Variants in ACBD6 observed in about 807,000 individuals in gnomAD.
ACBD6 encodes the protein acyl-CoA binding domain containing 6, also known as acyl-CoA-binding domain-containing protein 6.
A neutral mutation model predicts 37.2 loss-of-function variants in ACBD6; 28 were observed. The observed-to-expected ratio is 0.75, with a 90% CI of 0.56 to 1.03. The LOEUF is 1.03. ACBD6 is among the 50% of genes least tolerant of loss of function. ACBD6 has a pLI of 0.00. For missense variants in ACBD6, 340 were observed against 337.4 expected, an observed-to-expected ratio of 1.01 and a Z score of -0.06; for synonymous variants, 113 against 126.8, an observed-to-expected ratio of 0.89 and a Z score of 0.73.
chr1:180,431,787 T>C (rs1349139605), intron 3 of ACBD6, among the ~76,000 whole-genome samples: 1 of 151,942 alleles, frequency 6.6e-6, no homozygotes, highest in Non-Finnish European at 1.5e-5. Flanking sequence ...AAAATAGAGA[T>C]AGAACCAAGT....
chr1:180,408,307 A>AT (rs1647711777), intron 5 of ACBD6, among the ~76,000 whole-genome samples: 1 of 152,188 alleles, frequency 6.6e-6, no homozygotes, highest in Non-Finnish European at 1.5e-5. Context: ...AAAAGTTGTG[A>AT]TATCATATAC....
intron 3 of ACBD6, among the ~76,000 whole-genome samples, chr1:180,478,632 T>C (rs1254361144): frequency 1.3e-5 from 2 of 151,704 alleles, no homozygotes; most frequent in Non-Finnish European, 2.9e-5. Flanking sequence ...GGGATTACAG[T>C]ACCACCATTG....
intron 6 of ACBD6, among the ~76,000 whole-genome samples, chr1:180,315,868 A>T (rs947112942): frequency 6.6e-6 from 1 of 152,096 alleles, no homozygotes; most frequent in Non-Finnish European, 1.5e-5. Flanking sequence ...GATATGAAAG[A>T]AGTAATTTTA....
chr1:180,408,427 T>A (rs1268307775), intron 5 of ACBD6, among the ~76,000 whole-genome samples: 2 of 151,720 alleles, frequency 1.3e-5, no homozygotes, highest in Non-Finnish European at 2.9e-5. Context: ...AGACAAAAAA[T>A]CAAACACTGC....
chr1:180,401,931 C>CAAATTTGGTATATTTAAATTTGTATGGA (rs1647390765), intron 5 of ACBD6, among the ~76,000 whole-genome samples: 1 of 151,944 alleles, frequency 6.6e-6, no homozygotes, highest in Admixed American at 6.6e-5. Flanking sequence ...AAAAACATGG[C>CAAATTTGGTATATTTAAATTTGTATGGA]AAATTTGGTA....
At chr1:180,500,413 C>T (rs938806546) in intron 1 of ACBD6, among the ~76,000 whole-genome samples, 4 of 152,008 alleles carry the variant, frequency 2.6e-5, no homozygotes, top group Non-Finnish European at 4.4e-5. Context: ...CAAATGTTGG[C>T]GGGGCGTGGT....
intron 3 of ACBD6, among the ~76,000 whole-genome samples, chr1:180,467,472 A>AAAAAAAAAAC (rs370655998): frequency 1.7e-5 from 2 of 114,544 alleles, no homozygotes; most frequent in African/African-American, 3.7e-5. Context: ...AAAAAAAAAA[A>AAAAAAAAAAC]CAAAAACAAA....
chr1:180,400,549 T>C (rs1177562099), intron 5 of ACBD6, among the ~76,000 whole-genome samples: 1 of 152,278 alleles, frequency 6.6e-6, no homozygotes, highest in African/African-American at 2.4e-5. Context: ...TACTTGTAAA[T>C]AAACACAGAC....
At chr1:180,436,531 C>G (rs544280956) in intron 3 of ACBD6, among the ~76,000 whole-genome samples, 16 of 152,218 alleles carry the variant, frequency 1.1e-4, no homozygotes, top group Non-Finnish European at 2.1e-4. Context: ...TTCCTTCTTG[C>G]GTTGTGTTTT....
chr1:180,283,751 T>C (rs1649383520), downstream of ACBD6, among the ~76,000 whole-genome samples: 1 of 151,812 alleles, frequency 6.6e-6, no homozygotes, highest in Non-Finnish European at 1.5e-5. Context: ...AAAAGAAAAA[T>C]ACAGGTTGAG....
At chr1:180,294,485 A>G (rs2149280014) in intron 7 of ACBD6, among the ~76,000 whole-genome samples, 1 of 152,072 alleles carries the variant, frequency 6.6e-6, no homozygotes, top group African/African-American at 2.4e-5. Context: ...CTGAAGTGTG[A>G]GCAGGCTGAG....
rs534551166 is a variant in ACBD6, at chr1:180,348,673, G to A, written c.664-33951C>T. Among the ~76,000 whole-genome samples the A allele has an allele frequency of 3.9e-5, 6 of 152,294 alleles. No individual in the cohort carries two copies. In the South Asian group the frequency reaches 8.3e-4, roughly 21 times the overall value. On this transcript the variant is annotated intron_variant, in intron 6 of 7. Coordinates refer to ENST00000367595, the MANE Select transcript of ACBD6 (RefSeq NM_032360.4). Reference sequence around the variant, plus strand: ...GAATAAGGATAGCTTTAGATAGAATGGAGAAGTAAATTGTAAGCCTGCCCC... The same window carrying A: ...GAATAAGGATAGCTTTAGATAGAATAGAGAAGTAAATTGTAAGCCTGCCCC...
chr1:180,393,093 T>C (rs1266267362), intron 6 of ACBD6, among the ~76,000 whole-genome samples: 1 of 152,202 alleles, frequency 6.6e-6, no homozygotes, highest in Non-Finnish European at 1.5e-5. Flanking sequence ...AGGGTGTGTG[T>C]GTGTGCGTGC....
chr1:180,500,719 G>T (rs1163377782), intron 1 of ACBD6, among the ~76,000 whole-genome samples: 1 of 148,500 alleles, frequency 6.7e-6, no homozygotes, highest in Non-Finnish European at 1.5e-5. Flanking sequence ...AAAAGTGTCA[G>T]CCAGGTGCAG....
intron 6 of ACBD6, among the ~76,000 whole-genome samples, chr1:180,334,438 AC>A (rs1436933038): frequency 1.3e-5 from 2 of 152,184 alleles, no homozygotes; most frequent in Non-Finnish European, 2.9e-5. Flanking sequence ...ACTCCTACAG[AC>A]CTGCAGCTGA....
At chr1:180,477,672 T>A (rs1208372882) in intron 3 of ACBD6, among the ~76,000 whole-genome samples, 1 of 152,170 alleles carries the variant, frequency 6.6e-6, no homozygotes, top group Non-Finnish European at 1.5e-5. Context: ...CACAGGTTAC[T>A]TTTTTACTAA....
exon 10 of ACBD6, chr1:180,274,745 C>T (rs1210655714): frequency 2.6e-6 from 2 of 762,080 alleles, no homozygotes; most frequent in Non-Finnish European, 4.1e-6. Flanking sequence ...CACACTAGGG[C>T]ATTGTTTCCC....
intron 7 of ACBD6, among the ~76,000 whole-genome samples, chr1:180,307,067 C>A (rs1366559959): frequency 6.6e-6 from 1 of 152,154 alleles, no homozygotes; most frequent in Non-Finnish European, 1.5e-5. Context: ...ATGTTTGTTG[C>A]AGCACTGTTC....
chr1:180,445,552 G>A (rs1233496403), intron 3 of ACBD6, among the ~76,000 whole-genome samples: 1 of 152,080 alleles, frequency 6.6e-6, no homozygotes, highest in Non-Finnish European at 1.5e-5. Flanking sequence ...GTAATGTTCA[G>A]AAAGAAAAAC....
Sources: gnomAD v4.1 joint callset for allele counts (sites outside exome capture counted in the v4.1 genomes callset) on GRCh38, gnomAD v4.1.1 for gene constraint, MANE v1.5 for transcripts, NCBI Gene and HGNC (gene_info 2026-07-23, HGNC 2026-07-21) for gene names.